Variants in TCF4 observed in about 807,000 individuals in gnomAD.
The protein encoded by TCF4 is transcription factor 4.
A neutral mutation model predicts 82.1 loss-of-function variants in TCF4; 3 were observed. That is an observed-to-expected ratio of 0.04 (90% CI 0.02 to 0.09). The LOEUF is 0.09. Among genes scored for constraint, TCF4 ranks in the 10% least tolerant of loss-of-function variants. The probability of loss-of-function intolerance (pLI) is 1.00; values close to 1 mark genes in which losing one functional copy is unlikely to be tolerated. For synonymous variants in TCF4, 276 were observed against 309.6 expected, an observed-to-expected ratio of 0.89 and a Z score of 1.14; for missense variants, 518 against 852.7, an observed-to-expected ratio of 0.61 and a Z score of 4.89.
At chr18:55,408,181 T>TGTTTCAC (rs1603449837) in intron 5 of TCF4, among the ~76,000 whole-genome samples, 2 of 152,198 alleles carry the variant, frequency 1.3e-5, no homozygotes, top group East Asian at 3.8e-4. Context: ...AAATGGTAGG[T>TGTTTCAC]GTTTCACCCA....
chr18:55,281,915 T>C (rs1473388961), intron 8 of TCF4, among the ~76,000 whole-genome samples: 1 of 151,964 alleles, frequency 6.6e-6, no homozygotes, highest in Non-Finnish European at 1.5e-5. Context: ...ATTGAAATGT[T>C]TTTAGGATAT....
At chr18:55,300,506 G>A (rs993320870) in intron 8 of TCF4, among the ~76,000 whole-genome samples, 1 of 152,144 alleles carries the variant, frequency 6.6e-6, no homozygotes. Flanking sequence ...GCAACCCAGA[G>A]TGGAAAGGGC....
intron 3 of TCF4, among the ~76,000 whole-genome samples, chr18:55,488,371 C>A (rs1203726916): frequency 1.3e-5 from 2 of 151,896 alleles, no homozygotes; most frequent in Non-Finnish European, 2.9e-5. Flanking sequence ...GAAACGATTA[C>A]ATAAACAGGA....
intron 3 of TCF4, among the ~76,000 whole-genome samples, chr18:55,581,001 A>T (rs942310295): frequency 1.3e-5 from 2 of 152,048 alleles, no homozygotes; most frequent in Non-Finnish European, 2.9e-5. Context: ...AAGCACTGTG[A>T]CATGCTCACC....
intron 3 of TCF4, among the ~76,000 whole-genome samples, chr18:55,475,281 T>C (rs1324261906): frequency 6.6e-6 from 1 of 152,232 alleles, no homozygotes; most frequent in South Asian, 2.1e-4. Flanking sequence ...AGTTATTTTA[T>C]GGAAATGTTT....
chr18:55,496,563 A>G (rs2096638367), intron 3 of TCF4, among the ~76,000 whole-genome samples: 1 of 152,114 alleles, frequency 6.6e-6, no homozygotes, highest in African/African-American at 2.4e-5. Context: ...ACTAGAAACA[A>G]TTCTCAGCTT....
At chr18:55,503,989 G>A (rs1035844957) in intron 3 of TCF4, among the ~76,000 whole-genome samples, 26 of 152,126 alleles carry the variant, frequency 1.7e-4, no homozygotes, top group Admixed American at 2.6e-4. Flanking sequence ...CACAAGAATC[G>A]CTTGAACCCA....
At chr18:55,558,867 T>C (rs139860012) in intron 3 of TCF4, among the ~76,000 whole-genome samples, 35 of 152,172 alleles carry the variant, frequency 2.3e-4, no homozygotes, top group Non-Finnish European at 4.6e-4. Context: ...CTCACTTTCC[T>C]AGATGGGGAG....
At chr18:55,566,192 G>A (rs1156372435) in intron 3 of TCF4, among the ~76,000 whole-genome samples, 1 of 151,944 alleles carries the variant, frequency 6.6e-6, no homozygotes, top group Non-Finnish European at 1.5e-5. Context: ...CAGCCTGGGC[G>A]ACAGAGCGAG....
chr18:55,526,313 C>T (rs572515637), intron 3 of TCF4, among the ~76,000 whole-genome samples: 1 of 152,298 alleles, frequency 6.6e-6, no homozygotes, highest in African/African-American at 2.4e-5. Flanking sequence ...ATATCCAGTG[C>T]ATAACCCAGA....
Position 55,314,590 on chromosome 18 carries a change from A to C in TCF4, c.550-34934T>G, listed in dbSNP as rs561837470. ...CCTTAAAAAAAAAAAAAGACCACACATTCTAGGAGAAAGGGAGTACAGGGC... is the reference window on the plus strand; with the variant it reads ...CCTTAAAAAAAAAAAAAGACCACACCTTCTAGGAGAAAGGGAGTACAGGGC... On this transcript the variant is annotated intron_variant, in intron 8 of 19. Coordinates refer to ENST00000354452, the MANE Select transcript of TCF4 (RefSeq NM_001083962.2). Among the ~76,000 whole-genome samples the C allele has an allele frequency of 2.3e-4, 35 of 151,168 alleles. No individual in the cohort carries two copies. The East Asian group carries it at 5.8e-3, about 25-fold the overall frequency.
At chr18:55,378,414 A>G (rs1186915837) in intron 6 of TCF4, among the ~76,000 whole-genome samples, 1 of 152,234 alleles carries the variant, frequency 6.6e-6, no homozygotes, top group East Asian at 1.9e-4. Flanking sequence ...ATGTTAATGA[A>G]GAAGGTGCTC....
chr18:55,431,272 C>T (rs527293386), intron 5 of TCF4, among the ~76,000 whole-genome samples: 2 of 152,148 alleles, frequency 1.3e-5, no homozygotes, highest in African/African-American at 2.4e-5. Flanking sequence ...TTTGATTCCA[C>T]CTTCTTTCTT....
At chr18:55,498,555 T>C (rs2096662940) in intron 3 of TCF4, among the ~76,000 whole-genome samples, 1 of 152,206 alleles carries the variant, frequency 6.6e-6, no homozygotes. Context: ...CCACAAGACT[T>C]CGCCATAAGA....
At chr18:55,417,072 A>T (rs1244554803) in intron 5 of TCF4, among the ~76,000 whole-genome samples, 1 of 152,246 alleles carries the variant, frequency 6.6e-6, no homozygotes, top group Non-Finnish European at 1.5e-5. Context: ...CCGACGACGG[A>T]AGAGGGGAAC....
intron 3 of TCF4, among the ~76,000 whole-genome samples, chr18:55,577,611 A>G (rs780293253): frequency 6.6e-6 from 1 of 152,088 alleles, no homozygotes; most frequent in South Asian, 2.1e-4. Flanking sequence ...CATAGATGCT[A>G]GGTCTTTTTG....
intron 8 of TCF4, among the ~76,000 whole-genome samples, chr18:55,315,391 A>G (rs2073873200): frequency 6.6e-6 from 1 of 152,208 alleles, no homozygotes; most frequent in Non-Finnish European, 1.5e-5. Context: ...GGTAAACAGA[A>G]GCAACACAGC....
chr18:55,281,553 G>A (rs748989388), intron 8 of TCF4, among the ~76,000 whole-genome samples: 5 of 151,942 alleles, frequency 3.3e-5, no homozygotes, highest in South Asian at 2.1e-4. Context: ...AAGAATCTCC[G>A]ACCCATATTA....
Position 55,275,767 on chromosome 18 carries a change from G to C in TCF4, c.656-15C>G. ...GTGATGGCCATCTGTAAAGGACAAA[G>C]ACAACCATGACTTTCTGAGGCATTC... On this transcript the variant is annotated splice_polypyrimidine_tract_variant and intron_variant, in intron 9 of 19. Coordinates refer to ENST00000354452, the MANE Select transcript of TCF4 (RefSeq NM_001083962.2). 6.2e-7 allele frequency: 1 copy of C among 1,613,686 alleles called. No homozygotes were observed. The highest frequency in any genetic ancestry group is 8.5e-7 in the Non-Finnish European group (1 of 1,179,660).
Sources: allele counts gnomAD v4.1 joint callset (sites outside exome capture counted in the v4.1 genomes callset), GRCh38; gene constraint gnomAD v4.1.1; transcripts MANE v1.5; gene names NCBI Gene and HGNC (gene_info 2026-07-23, HGNC 2026-07-21).